TRAPPC8: variants seen among roughly 807,000 people sequenced by gnomAD.
The protein encoded by TRAPPC8 is trafficking protein particle complex subunit 8.
Under a neutral mutation model 174.3 loss-of-function variants are expected in TRAPPC8, and 54 were observed. The observed-to-expected ratio is 0.31, with a 90% CI of 0.25 to 0.39. The LOEUF is 0.39. TRAPPC8 is among the 10% of genes least tolerant of loss of function. TRAPPC8 has a pLI of 1.00. For missense variants in TRAPPC8, 1,531 were observed against 1,699.1 expected, an observed-to-expected ratio of 0.90 and a Z score of 1.74; for synonymous variants, 630 against 579.9, an observed-to-expected ratio of 1.09 and a Z score of -1.24.
At chr18:31,913,577 A>G in intron 4 of TRAPPC8, 55 bp from the exon 5 acceptor site, 1 of 1,384,984 alleles carries the variant, frequency 7.2e-7, no homozygotes, top group Non-Finnish European at 9.6e-7. Flanking sequence ...GCCTTAGGCA[A>G]TAATAGAGAC....
chr18:31,856,407 C>A (rs1042419796), intron 20 of TRAPPC8, among the ~76,000 whole-genome samples: 1 of 152,126 alleles, frequency 6.6e-6, no homozygotes, highest in African/African-American at 2.4e-5. Flanking sequence ...TATTCACCAT[C>A]TTCATCAGCC....
intron 27 of TRAPPC8, among the ~76,000 whole-genome samples, chr18:31,837,914 A>AT (rs1192731301): frequency 6.6e-6 from 1 of 151,726 alleles, no homozygotes; most frequent in Non-Finnish European, 1.5e-5. Flanking sequence ...TACTTATATA[A>AT]AGATTACAGA....
At chr18:31,864,530 A>G in intron 19 of TRAPPC8, 97 bp downstream of exon 19, 1 of 1,156,704 alleles carries the variant, frequency 8.6e-7, no homozygotes, top group South Asian at 1.4e-5. Flanking sequence ...GTATAGTTCA[A>G]TGTAATATCA....
At chr18:31,853,790 C>G (rs910220211) in intron 22 of TRAPPC8, 59 bp downstream of exon 22, 6 of 1,295,078 alleles carry the variant, frequency 4.6e-6, no homozygotes, top group Non-Finnish European at 6.4e-6. Flanking sequence ...TGGTACTATT[C>G]TGGAAAACCA....
intron 11 of TRAPPC8, chr18:31,896,347 A>G (rs1342384781): frequency 6.6e-6 from 1 of 152,204 alleles, no homozygotes; most frequent in African/African-American, 2.4e-5. Context: ...AAAAGAAAAT[A>G]TATTTTTAAA....
chr18:31,885,877 A>G (rs555157048), intron 12 of TRAPPC8, among the ~76,000 whole-genome samples: 2 of 151,830 alleles, frequency 1.3e-5, no homozygotes, highest in Non-Finnish European at 2.9e-5. Flanking sequence ...ACGAAAAATA[A>G]GAAATATGTC....
chr18:31,894,322 T>A (rs1199534671), intron 11 of TRAPPC8, among the ~76,000 whole-genome samples: 1 of 152,194 alleles, frequency 6.6e-6, no homozygotes, highest in Non-Finnish European at 1.5e-5. Context: ...GGTATCAGTG[T>A]TGATGGAAGA....
chr18:31,852,249 G>A (rs1374028662), intron 24 of TRAPPC8, among the ~76,000 whole-genome samples, 197 bp downstream of exon 24: 1 of 152,128 alleles, frequency 6.6e-6, no homozygotes, highest in East Asian at 1.9e-4. Flanking sequence ...GCTGAGGGGG[G>A]AGGATCACTT....
chr18:31,924,738 C>CA (rs398032376), intron 2 of TRAPPC8, among the ~76,000 whole-genome samples: 20,469 of 91,270 alleles, frequency 0.22, 2,906 homozygotes, highest in Middle Eastern at 0.31. Context: ...AACTCCGTCT[C>CA]AAAAAAAAAA....
intron 10 of TRAPPC8, 22 bp from the exon 11 acceptor site, chr18:31,897,913 G>C: frequency 6.3e-7 from 1 of 1,590,830 alleles, no homozygotes; most frequent in East Asian, 2.2e-5. Flanking sequence ...AGGACAAGAA[G>C]ATAAAATAGC....
rs2033763533 is a variant in TRAPPC8, at chr18:31,852,482, T to C, written c.3525A>G (p.Lys1175=). ...KEEAATQSSE[K]YTFADIIFGN... ...CAAAGATGATATCTGCAAAGGTATA[T>C]TTTTCAGAGGACTGTGTGGCCGCTA... Residue 1175 remains lysine, a synonymous_variant, in exon 24 of 29, where the codon AAA becomes AAG. Transcript: ENST00000283351. The C allele has an allele frequency of 4.3e-6, 7 of 1,614,204 alleles. No individual in the cohort carries two copies. Among genetic ancestry groups the C allele is most frequent in the Non-Finnish European group, 5.9e-6 (7 of 1,180,032 alleles).
rs183485242 is a variant in TRAPPC8, at chr18:31,895,537, G to T, written c.1596+2249C>A. Among the ~76,000 whole-genome samples, 296 of 152,182 alleles carry T rather than the reference G, an allele frequency of 1.9e-3. 3 individuals are homozygous for T. Among genetic ancestry groups the T allele is most frequent in the Non-Finnish European group, 2.2e-3 (150 of 67,986 alleles). Reference sequence around the variant, plus strand: ...TGGAAACAAAGAGTTGGAAAGAAGAGAAAAATGACAAAAAATAACACGGTT... The same window carrying T: ...TGGAAACAAAGAGTTGGAAAGAAGATAAAAATGACAAAAAATAACACGGTT... On this transcript the variant is annotated intron_variant, in intron 11 of 28. Transcript: ENST00000283351.
At chr18:31,875,261 T>TA (rs1389300171) in intron 12 of TRAPPC8, among the ~76,000 whole-genome samples, 1 of 151,460 alleles carries the variant, frequency 6.6e-6, no homozygotes, top group African/African-American at 2.4e-5. Context: ...ATCAGAGACT[T>TA]ACATTGAATG....
intron 20 of TRAPPC8, 122 bp from the exon 21 acceptor site, chr18:31,855,929 C>A: frequency 9.5e-7 from 1 of 1,048,934 alleles, no homozygotes; most frequent in Non-Finnish European, 1.3e-6. Flanking sequence ...CTCTAAAAAT[C>A]CATAGAATAC....
rs916648044 is a variant in TRAPPC8 at position 31,864,538 on chromosome 18, T to C, written c.2745+89A>G. On this transcript the variant is annotated intron_variant, in intron 19 of 28. Coordinates refer to ENST00000283351, the MANE Select transcript of TRAPPC8 (RefSeq NM_014939.5). ...TTTAAAAGTATAGTTCAATGTAATA[T>C]CAAAAACCTCAGAGCCTAAAATTAA... 27 of 1,291,014 alleles carry C rather than the reference T, an allele frequency of 2.1e-5. No individual in the cohort carries two copies. The African/African-American group carries it at 3.8e-4, about 18-fold the overall frequency. The allele number at this position is 1,291,014 out of a possible 1,614,324, so 80.0% of individuals were successfully genotyped here.
chr18:31,866,364 T>C (rs2034587355), intron 18 of TRAPPC8, among the ~76,000 whole-genome samples: 1 of 152,130 alleles, frequency 6.6e-6, no homozygotes, highest in African/African-American at 2.4e-5. Flanking sequence ...ACATACTGTA[T>C]AGTGCACCAA....
intron 19 of TRAPPC8, among the ~76,000 whole-genome samples, chr18:31,862,896 A>G (rs141634553): frequency 1.6e-3 from 246 of 152,196 alleles, no homozygotes; most frequent in African/African-American, 4.5e-3. Context: ...TCTACTAAAA[A>G]TACAAAAAAT....
intron 10 of TRAPPC8, among the ~76,000 whole-genome samples, chr18:31,899,860 C>T (rs2036340598): frequency 6.6e-6 from 1 of 152,004 alleles, no homozygotes; most frequent in African/African-American, 2.4e-5. Flanking sequence ...ACAGGAGAAT[C>T]ACTTGAACCT....
chr18:31,861,545 T>TCAAATAA (rs1159833354), intron 19 of TRAPPC8, among the ~76,000 whole-genome samples: 5 of 152,334 alleles, frequency 3.3e-5, no homozygotes, highest in African/African-American at 1.2e-4. Context: ...AAACCTCTAT[T>TCAAATAA]CATAGGAATA....
Sources: allele counts gnomAD v4.1 joint callset (sites outside exome capture counted in the v4.1 genomes callset), GRCh38; gene constraint gnomAD v4.1.1; transcripts MANE v1.5; gene names NCBI Gene and HGNC (gene_info 2026-07-23, HGNC 2026-07-21).